ABCD3: variants seen among roughly 807,000 people sequenced by gnomAD.
ABCD3 encodes the protein ATP binding cassette subfamily D member 3.
In ABCD3, 41 loss-of-function variants were observed where a neutral mutation model predicts 105.5. The observed-to-expected ratio is 0.39, with a 90% confidence interval of 0.30 to 0.50. The LOEUF is 0.50. Ranked by LOEUF, ABCD3 falls within the 20% of genes least tolerant of loss-of-function variation. The pLI is 0.84. For synonymous variants in ABCD3, 258 were observed against 269.0 expected (o/e 0.96, Z 0.40); for missense variants, 622 against 806.3 (o/e 0.77, Z 2.77).
chr1:94,398,366 C>T, the ABCD3 span, among the ~76,000 whole-genome samples: 1 of 152,102 alleles, frequency 6.6e-6, no homozygotes, highest in African/African-American at 2.4e-5. Flanking sequence ...CCTAATATAC[C>T]TATAAAATAA....
At position 94,483,240 on chromosome 1, in the gene ABCD3, G is replaced by A; in HGVS notation, c.897+1G>A. ...AGTCCACTCAGTCTTCCGAAAACTGGTAAGATAACACACTTGAGGTTCATG... is the reference window on the plus strand; with the variant it reads ...AGTCCACTCAGTCTTCCGAAAACTGATAAGATAACACACTTGAGGTTCATG... On this transcript the variant is annotated splice_donor_variant, in intron 10 of 22. Transcript: ENST00000370214. LOFTEE classifies it high-confidence loss of function. 1 of 1,611,612 alleles carries A rather than the reference G, an allele frequency of 6.2e-7. No homozygotes were observed. Among genetic ancestry groups the A allele is most frequent in the South Asian group, 1.1e-5 (1 of 91,008 alleles).
In ABCD3 at chr1:94,495,016, G is replaced by A. The variant is rs113858364; in HGVS notation, c.1387-3586G>A. ...GGATCGCTTGTGCCAGTGAGGCAGA[G>A]GTTGCAGTGAGCGGAGATCGCACCA... On this transcript the variant is annotated intron_variant, in intron 16 of 22. Transcript: ENST00000370214. Among the ~76,000 whole-genome samples, 1,397 of 152,230 alleles carry A rather than the reference G, an allele frequency of 9.2e-3. 26 individuals carry two copies. Among genetic ancestry groups the A allele is most frequent in the African/African-American group, 0.033 (1,351 of 41,534 alleles).
chr1:94,461,562 C>T (rs1647869664), intron 2 of ABCD3, among the ~76,000 whole-genome samples: 1 of 151,912 alleles, frequency 6.6e-6, no homozygotes, highest in Non-Finnish European at 1.5e-5. Context: ...ATGTATCATT[C>T]TAATTTTTTC....
intron 1 of ABCD3, among the ~76,000 whole-genome samples, chr1:94,421,381 C>G (rs1398377500): frequency 6.6e-6 from 1 of 152,128 alleles, no homozygotes; most frequent in Non-Finnish European, 1.5e-5. Context: ...TCCTGATCAG[C>G]TTGTATTCAC....
At chr1:94,423,013 A>G (rs1042912043) in intron 1 of ABCD3, among the ~76,000 whole-genome samples, 3 of 152,172 alleles carry the variant, frequency 2.0e-5, no homozygotes, top group African/African-American at 4.8e-5. Flanking sequence ...CTAATCTTAT[A>G]TGCCATTGCC....
upstream of ABCD3, among the ~76,000 whole-genome samples, chr1:94,415,618 C>T (rs1385097113): frequency 6.6e-6 from 1 of 152,104 alleles, no homozygotes; most frequent in Non-Finnish European, 1.5e-5. Context: ...CTTAGAGTTA[C>T]AGAAGCAGTC....
At chr1:94,515,456 CAT>C (rs1410119394) in intron 22 of ABCD3, among the ~76,000 whole-genome samples, 1 of 151,934 alleles carries the variant, frequency 6.6e-6, no homozygotes, top group African/African-American at 2.4e-5. Context: ...CTAAACTTTG[CAT>C]AGTCTTATCA....
the ABCD3 span, among the ~76,000 whole-genome samples, chr1:94,396,585 A>G: frequency 7.0e-5 from 10 of 141,898 alleles, no homozygotes; most frequent in African/African-American, 2.7e-4. Flanking sequence ...CCTCATGTGA[A>G]TAGAAGTGTG....
At chr1:94,450,236 C>T (rs12132309) in intron 1 of ABCD3, among the ~76,000 whole-genome samples, 44 of 152,322 alleles carry the variant, frequency 2.9e-4, no homozygotes, top group Middle Eastern at 3.4e-3. Flanking sequence ...CCAACTCCTG[C>T]GAGAAGTAGC....
intron 9 of ABCD3, chr1:94,482,689 T>C: frequency 6.0e-6 from 1 of 165,566 alleles, no homozygotes. Flanking sequence ...TCCTGGGAGC[T>C]GGCACTTTGA....
chr1:94,403,991 A>G, the ABCD3 span, among the ~76,000 whole-genome samples: 4 of 152,204 alleles, frequency 2.6e-5, no homozygotes, highest in Non-Finnish European at 5.9e-5. Context: ...TATACACACT[A>G]GTATACAAAT....
intron 1 of ABCD3, chr1:94,432,464 A>C (rs1408937973): frequency 6.6e-6 from 1 of 152,248 alleles, no homozygotes; most frequent in Non-Finnish European, 1.5e-5. Context: ...AGCTGGAGAT[A>C]TTACTATAAA....
chr1:94,441,424 C>A (rs1034005311), intron 1 of ABCD3, among the ~76,000 whole-genome samples: 1 of 151,908 alleles, frequency 6.6e-6, no homozygotes, highest in Non-Finnish European at 1.5e-5. Flanking sequence ...AGAGGTGCAG[C>A]CTTTGTGGAG....
At chr1:94,477,802 G>A (rs1243590031) in intron 7 of ABCD3, among the ~76,000 whole-genome samples, 2 of 152,202 alleles carry the variant, frequency 1.3e-5, no homozygotes, top group Non-Finnish European at 2.9e-5. Context: ...CCATGGAAGT[G>A]ATAAAGTAAT....
chr1:94,443,547 G>A (rs547446317), intron 1 of ABCD3, among the ~76,000 whole-genome samples: 1 of 152,264 alleles, frequency 6.6e-6, no homozygotes, highest in East Asian at 1.9e-4. Flanking sequence ...ATGGCTAGAA[G>A]AGCTTTTCTC....
At chr1:94,497,587 T>C (rs192872682) in intron 16 of ABCD3, among the ~76,000 whole-genome samples, 6 of 152,342 alleles carry the variant, frequency 3.9e-5, no homozygotes, top group Non-Finnish European at 7.4e-5. Flanking sequence ...CTTTACATTT[T>C]CTCATTTATC....
the ABCD3 span, among the ~76,000 whole-genome samples, chr1:94,401,696 C>A: frequency 1.3e-5 from 2 of 152,136 alleles, no homozygotes; most frequent in Non-Finnish European, 2.9e-5. Context: ...GGAACAAATT[C>A]CAGGGATGTT....
chr1:94,473,739 TA>T, intron 4 of ABCD3, 26 bp from the exon 5 acceptor site: 1 of 1,588,162 alleles, frequency 6.3e-7, no homozygotes, highest in Non-Finnish European at 8.6e-7. Flanking sequence ...CTTTTGCAAC[TA>T]ATGCATTGCA....
the ABCD3 span, among the ~76,000 whole-genome samples, chr1:94,400,803 A>G: frequency 5.3e-5 from 8 of 152,208 alleles, no homozygotes; most frequent in Non-Finnish European, 1.2e-4. Flanking sequence ...CTGAGCTGCT[A>G]TGGTTTGAAT....
Sources: gnomAD v4.1 joint callset for allele counts (sites outside exome capture counted in the v4.1 genomes callset) on GRCh38, gnomAD v4.1.1 for gene constraint, MANE v1.5 for transcripts, NCBI Gene and HGNC (gene_info 2026-07-23, HGNC 2026-07-21) for gene names.